Variants in SRGN observed in about 807,000 individuals in gnomAD.
The protein encoded by SRGN is serglycin.
In SRGN, 2 loss-of-function variants were observed where a neutral mutation model predicts 9.5. The observed-to-expected ratio is 0.21, with a 90% confidence interval of 0.09 to 0.66. The LOEUF is 0.66. SRGN is among the 30% of genes least tolerant of loss of function. The pLI is 0.83. For synonymous variants in SRGN, 59 were observed against 72.3 expected (o/e 0.82, Z 0.93); for missense variants, 170 against 192.4 (o/e 0.88, Z 0.69).
intron 2 of SRGN, among the ~76,000 whole-genome samples, 194 bp downstream of exon 2, chr10:69,097,425 TA>T (rs1589329238): frequency 1.1e-5 from 1 of 90,740 alleles, no homozygotes; most frequent in African/African-American, 3.1e-5. Flanking sequence ...CATGCCCAGC[TA>T]ATTTTTTTTT....
In SRGN at chr10:69,095,867, G is replaced by A. The variant is rs1342835478; in HGVS notation, c.80-1217G>A. Among the ~76,000 whole-genome samples, 4 of 152,072 alleles carry A rather than the reference G, an allele frequency of 2.6e-5. No individual in the cohort carries two copies. In the East Asian group the frequency reaches 5.8e-4, roughly 22 times the overall value. On this transcript the variant is annotated intron_variant, in intron 1 of 2. Coordinates refer to ENST00000242465, the MANE Select transcript of SRGN (RefSeq NM_002727.4). ...GTGGAGGTTGCCATGAGCCGAGATC[G>A]TGACAGTGCACTCCAGCCTGGGCGA...
At chr10:69,092,654 C>G (rs1048207783) in intron 1 of SRGN, among the ~76,000 whole-genome samples, 1 of 152,042 alleles carries the variant, frequency 6.6e-6, no homozygotes, top group African/African-American at 2.4e-5. Flanking sequence ...ATTAACTGGG[C>G]ATGGTGGTGT....
At chr10:69,089,709 C>A (rs577552745) in intron 1 of SRGN, among the ~76,000 whole-genome samples, 1 of 151,914 alleles carries the variant, frequency 6.6e-6, no homozygotes, top group Admixed American at 6.6e-5. Flanking sequence ...GCCTGGCCAA[C>A]ATAGTGAAAT....
intron 1 of SRGN, among the ~76,000 whole-genome samples, chr10:69,091,897 A>AAAAAAAAAAAAAAAAG: frequency 9.9e-6 from 1 of 100,792 alleles, no homozygotes. Flanking sequence ...AAAAAAAAAA[A>AAAAAAAAAAAAAAAAG]AAAAAAAAAA....
At chr10:69,097,344 TC>T (rs1421423985) in intron 2 of SRGN, 113 bp downstream of exon 2, 30 of 776,604 alleles carry the variant, frequency 3.9e-5, no homozygotes, top group Admixed American at 1.9e-4. Context: ...CACTGCAACC[TC>T]CGCCTCCTGG....
At position 69,091,968 on chromosome 10, in the gene SRGN, A is replaced by T. The variant is rs182724701; in HGVS notation, c.79+3732A>T. ...GTATATTGTGATTATGTTGAGGGAA[A>T]AGTTAGTACCATAATATAAAAAGGT... On this transcript the variant is annotated intron_variant, in intron 1 of 2. Transcript: ENST00000242465. Among the ~76,000 whole-genome samples the T allele has an allele frequency of 5.0e-4, 76 of 151,336 alleles. No homozygotes were observed. In the Middle Eastern group the frequency reaches 0.01, roughly 20 times the overall value.
At position 69,104,510 on chromosome 10, in the gene SRGN, C is replaced by T. The variant is rs1840359525; in HGVS notation, c.*390C>T. 8.3e-6 allele frequency: 1 copy of T among 120,176 alleles called. No individual in the cohort carries two copies. Among genetic ancestry groups the T allele is most frequent in the Non-Finnish European group, 1.7e-5 (1 of 58,308 alleles). The allele number at this position is 120,176 out of a possible 1,614,324, so 7.4% of individuals were successfully genotyped here. A position where few individuals can be genotyped will look rare whatever the true frequency, so the allele number is the denominator to read the frequency against. ...TGGATTGTGAATTATAATGATATGC[C>T]CCTTTTCTTATAAAAACAAAAAAAA... On this transcript the variant is annotated 3_prime_UTR_variant, in exon 3 of 3. Transcript: ENST00000242465.
At chr10:69,091,874 T>C (rs1407530467) in intron 1 of SRGN, among the ~76,000 whole-genome samples, 2 of 45,008 alleles carry the variant, frequency 4.4e-5, no homozygotes, top group East Asian at 8.6e-4. Context: ...ACTGAGACTC[T>C]GTCTCAAAAA....
At chr10:69,103,782 A>C in intron 2 of SRGN, 89 bp from the exon 3 acceptor site, 3 of 1,382,024 alleles carry the variant, frequency 2.2e-6, no homozygotes, top group Admixed American at 4.3e-5. Flanking sequence ...GGCTGTATTT[A>C]TCTCCTTATA....
intron 1 of SRGN, among the ~76,000 whole-genome samples, chr10:69,093,436 G>T (rs921920130): frequency 2.0e-5 from 3 of 152,146 alleles, no homozygotes; most frequent in Non-Finnish European, 4.4e-5. Flanking sequence ...GTTTCTATTG[G>T]ACAAAGTTGG....
chr10:69,089,876 A>G (rs1245186743), intron 1 of SRGN, among the ~76,000 whole-genome samples: 1 of 152,126 alleles, frequency 6.6e-6, no homozygotes, highest in East Asian at 1.9e-4. Flanking sequence ...AGCCTAGGTG[A>G]CAGTGCAAGA....
Position 69,103,886 on chromosome 10 carries a change from G to A in SRGN, c.243G>A (p.Gln81=). The change falls in exon 3 of 3, where the codon CAG becomes CAA. Residue 81 remains glutamine (Q), a synonymous_variant. Coordinates refer to ENST00000242465, the MANE Select transcript of SRGN (RefSeq NM_002727.4). ...CATACTTCAGAAAGACGAGAATCCA[G>A]GACTTGAATCGTATCTTCCCACTTT... ...RTDLFPKTRI[Q]DLNRIFPLSE... 1 of 1,613,838 alleles carries A rather than the reference G, an allele frequency of 6.2e-7. No individual in the cohort carries two copies.
At chr10:69,102,320 C>T (rs1840310163) in intron 2 of SRGN, among the ~76,000 whole-genome samples, 1 of 152,136 alleles carries the variant, frequency 6.6e-6, no homozygotes, top group African/African-American at 2.4e-5. Flanking sequence ...CTGGTCACTC[C>T]CTATTACATT....
chr10:69,090,589 G>A (rs1233972828), intron 1 of SRGN, among the ~76,000 whole-genome samples: 1 of 152,146 alleles, frequency 6.6e-6, no homozygotes, highest in Admixed American at 6.5e-5. Context: ...CATCTTCTTA[G>A]AGGGTCACCA....
chr10:69,090,888 T>C (rs1443111447), intron 1 of SRGN, among the ~76,000 whole-genome samples: 1 of 152,136 alleles, frequency 6.6e-6, no homozygotes, highest in Non-Finnish European at 1.5e-5. Context: ...CCTGTGAATC[T>C]TCCACTTTTA....
At chr10:69,096,216 A>T (rs2855025) in intron 1 of SRGN, among the ~76,000 whole-genome samples, 63,547 of 151,950 alleles carry the variant, frequency 0.42, 15,275 homozygotes, top group Middle Eastern at 0.65. Context: ...ACCTGATTTG[A>T]CTCATCTCTA....
upstream of SRGN, chr10:69,087,971 T>A: frequency 1.6e-6 from 1 of 607,564 alleles, no homozygotes; most frequent in Non-Finnish European, 2.9e-6. Flanking sequence ...TTTTACTGTG[T>A]TCCCCCCACC....
intron 1 of SRGN, among the ~76,000 whole-genome samples, chr10:69,092,474 T>C (rs561085653): frequency 1.4e-4 from 22 of 152,304 alleles, no homozygotes; most frequent in African/African-American, 5.1e-4. Flanking sequence ...TCACATACCA[T>C]ACAGTTCACC....
intron 2 of SRGN, among the ~76,000 whole-genome samples, chr10:69,100,858 G>A (rs543871344): frequency 1.8e-4 from 27 of 152,282 alleles, no homozygotes; most frequent in African/African-American, 5.8e-4. Context: ...ACCTTGGGCA[G>A]GACTCTGTTT....
Sources: allele counts gnomAD v4.1 joint callset (sites outside exome capture counted in the v4.1 genomes callset), GRCh38; gene constraint gnomAD v4.1.1; transcripts MANE v1.5; gene names NCBI Gene and HGNC (gene_info 2026-07-23, HGNC 2026-07-21).